STX18: variants seen among roughly 807,000 people sequenced by gnomAD.
STX18 encodes syntaxin-18.
STX18 carries 40 observed loss-of-function variants against 50.1 expected under a neutral mutation model. The ratio of observed to expected loss-of-function variants is 0.80; its 90% CI spans 0.62 to 1.04. The LOEUF is 1.04. Ranked by LOEUF, STX18 falls within the 50% of genes least tolerant of loss-of-function variation. The probability of loss-of-function intolerance (pLI) is 0.00; values close to 1 mark genes in which losing one functional copy is unlikely to be tolerated. For synonymous variants in STX18, 158 were observed against 151.8 expected, an observed-to-expected ratio of 1.04 and a Z score of -0.30; for missense variants, 410 against 415.8, an observed-to-expected ratio of 0.99 and a Z score of 0.12.
At position 4,541,858 on chromosome 4, in the gene STX18, T is replaced by A. The variant is rs773303357; in HGVS notation, c.107A>T (p.Asp36Val). Residue 36 changes from aspartate to valine, a missense_variant, in exon 1 of 11, where the codon GAC (aspartate) becomes GTC (valine). Transcript: ENST00000306200. ...AVGGGVDGSR[D>V]ELFRRSPRPK... ...CCGGGGGCTCCGGCGGAACAGCTCG[T>A]CCCGGCTGCCATCGACCCCGCCGCC... The A allele has an allele frequency of 1.7e-5, 27 of 1,610,710 alleles. No individual in the cohort carries two copies.
At chr4:4,510,519 C>T (rs1345720844) in intron 1 of STX18, among the ~76,000 whole-genome samples, 1 of 152,066 alleles carries the variant, frequency 6.6e-6, no homozygotes, top group East Asian at 1.9e-4. Flanking sequence ...GCTGGAGAGG[C>T]TGTGGAGAAA....
chr4:4,531,702 C>G (rs1414304868), intron 1 of STX18, among the ~76,000 whole-genome samples: 6 of 152,200 alleles, frequency 3.9e-5, no homozygotes, highest in Non-Finnish European at 5.9e-5. Context: ...TCAAAGCTTT[C>G]CTAAGTAGAC....
At chr4:4,540,904 C>T (rs755850874) in intron 1 of STX18, among the ~76,000 whole-genome samples, 3 of 152,152 alleles carry the variant, frequency 2.0e-5, no homozygotes, top group Admixed American at 6.5e-5. Context: ...GCTTTAGGGT[C>T]CCTCTCTTCA....
intron 8 of STX18, among the ~76,000 whole-genome samples, chr4:4,424,076 C>T (rs1313008125): frequency 6.6e-6 from 1 of 151,948 alleles, no homozygotes; most frequent in African/African-American, 2.4e-5. Flanking sequence ...AACCAACTCC[C>T]TGTTCCAAGA....
intron 1 of STX18, among the ~76,000 whole-genome samples, chr4:4,513,918 G>A (rs892676758): frequency 6.6e-6 from 1 of 152,130 alleles, no homozygotes; most frequent in Non-Finnish European, 1.5e-5. Context: ...TAACCTGAGG[G>A]CAGGGGTGTG....
At chr4:4,541,743 C>T (rs2108941033) in intron 1 of STX18, 54 bp downstream of exon 1, 1 of 1,555,388 alleles carries the variant, frequency 6.4e-7, no homozygotes, top group East Asian at 2.3e-5. Flanking sequence ...CCCGGGGTCC[C>T]TGTCGCAGGA....
rs33952588 is a variant in STX18, at chr4:4,434,790, A to T, written c.682T>A (p.Ser228Thr). ...WGDGKGEDELSPEEIQMFEQE... is the reference protein window; with the variant it reads ...WGDGKGEDELTPEEIQMFEQE... ...ATTACCATTTGTATTTCTTCTGGGG[A>T]TAACTCATCTTCGCCTTTGCCATCT... is the stretch of plus-strand genomic sequence containing the variant. Residue 228 changes from serine (S) to threonine (T), a missense_variant, in exon 7 of 11, where the codon TCC (serine) becomes ACC (threonine). By Grantham distance (58) the Ser-to-Thr change is moderately conservative. Transcript: ENST00000306200. 0.047 allele frequency: 76,297 copies of T among 1,606,778 alleles called. 2,158 individuals carry two copies. Among genetic ancestry groups the T allele is most frequent in the African/African-American group, 0.096 (7,153 of 74,650 alleles).
At chr4:4,463,154 C>T (rs1435086276) in intron 2 of STX18, among the ~76,000 whole-genome samples, 3 of 152,126 alleles carry the variant, frequency 2.0e-5, no homozygotes, top group Non-Finnish European at 2.9e-5. Flanking sequence ...GTTGGCTTTG[C>T]AAATTTTTTC....
chr4:4,424,592 T>C lies in STX18; in HGVS notation c.761+572A>G, dbSNP rs185590462. ...AGGCTGTGTGAGTGCAGCATCAGGA[T>C]TGATTTTATTTGGGGGACATGTCCA... On this transcript the variant is annotated intron_variant, in intron 8 of 10. Coordinates refer to ENST00000306200, the MANE Select transcript of STX18 (RefSeq NM_016930.4). Among the ~76,000 whole-genome samples, 198 of 152,196 alleles carry C rather than the reference T, an allele frequency of 1.3e-3. 1 individual carries two copies. Among genetic ancestry groups the C allele is most frequent in the Non-Finnish European group, 2.2e-3 (152 of 68,008 alleles).
At chr4:4,442,359 C>T (rs573185678) in intron 5 of STX18, among the ~76,000 whole-genome samples, 1 of 152,134 alleles carries the variant, frequency 6.6e-6, no homozygotes, top group East Asian at 1.9e-4. Context: ...TGCGGTGGCT[C>T]ACTCCTGTAA....
intron 1 of STX18, among the ~76,000 whole-genome samples, chr4:4,481,222 G>A (rs1282445032): frequency 6.6e-6 from 1 of 152,156 alleles, no homozygotes; most frequent in Non-Finnish European, 1.5e-5. Context: ...CAAAGCAGTC[G>A]GCAAGTGTCC....
intron 1 of STX18, among the ~76,000 whole-genome samples, chr4:4,531,662 T>G (rs1265609734): frequency 1.3e-5 from 2 of 152,222 alleles, no homozygotes; most frequent in African/African-American, 2.4e-5. Context: ...TCCATCCACT[T>G]GACTTGCTCT....
chr4:4,432,978 T>A (rs1725588247), intron 7 of STX18, among the ~76,000 whole-genome samples: 1 of 152,226 alleles, frequency 6.6e-6, no homozygotes. Flanking sequence ...CTTCTCTGCC[T>A]GGCTGGCCTG....
intron 1 of STX18, among the ~76,000 whole-genome samples, chr4:4,526,326 T>C (rs141316416): frequency 6.6e-6 from 1 of 152,242 alleles, no homozygotes; most frequent in Non-Finnish European, 1.5e-5. Context: ...CCAAATACTA[T>C]GTACTGAACT....
chr4:4,463,815 T>C (rs28566601), intron 2 of STX18, among the ~76,000 whole-genome samples: 53,329 of 152,056 alleles, frequency 0.35, 12,944 homozygotes, highest in African/African-American at 0.7. Context: ...AGCTTAAAAA[T>C]AAGGTTTTCT....
At chr4:4,505,601 GA>G (rs1337159625) in intron 1 of STX18, among the ~76,000 whole-genome samples, 1 of 150,094 alleles carries the variant, frequency 6.7e-6, no homozygotes, top group Non-Finnish European at 1.5e-5. Flanking sequence ...CCAACACGGC[GA>G]AACTCCATCT....
intron 5 of STX18, among the ~76,000 whole-genome samples, chr4:4,441,916 T>C (rs945877173): frequency 5.9e-5 from 9 of 152,252 alleles, no homozygotes; most frequent in Admixed American, 3.3e-4. Context: ...TATGGAATGA[T>C]AGGCAGGTAA....
intron 1 of STX18, chr4:4,478,747 C>G (rs1194997371): frequency 6.6e-6 from 1 of 152,326 alleles, no homozygotes; most frequent in Non-Finnish European, 1.5e-5. Context: ...GCCTATCTCC[C>G]AACCTTTACT....
chr4:4,430,680 G>C (rs1234071440), intron 7 of STX18, among the ~76,000 whole-genome samples: 2 of 152,214 alleles, frequency 1.3e-5, no homozygotes, highest in East Asian at 3.8e-4. Context: ...GCCGTACTCT[G>C]ACATATCAGT....
Sources: allele counts gnomAD v4.1 joint callset (sites outside exome capture counted in the v4.1 genomes callset), GRCh38; gene constraint gnomAD v4.1.1; transcripts MANE v1.5; gene names NCBI Gene and HGNC (gene_info 2026-07-23, HGNC 2026-07-21).